Variants in POGLUT3 observed in about 807,000 individuals in gnomAD.
POGLUT3 encodes KDEL (Lys-Asp-Glu-Leu) containing 2.
A neutral mutation model predicts 54.3 loss-of-function variants in POGLUT3; 48 were observed. The observed-to-expected ratio is 0.88, with a 90% CI of 0.70 to 1.12. The LOEUF (loss-of-function observed/expected upper bound fraction) is 1.12. Among genes scored for constraint, POGLUT3 ranks in the 50% most tolerant of loss-of-function variants. POGLUT3 has a pLI of 0.00. For missense variants in POGLUT3, 629 were observed against 618.7 expected, an observed-to-expected ratio of 1.02 and a Z score of -0.18; for synonymous variants, 218 against 237.4, an observed-to-expected ratio of 0.92 and a Z score of 0.75.
intron 3 of POGLUT3, among the ~76,000 whole-genome samples, chr11:108,485,636 T>TTTTATTTATTTATTTA (rs34832849): frequency 1.5e-3 from 217 of 140,400 alleles, no homozygotes; most frequent in African/African-American, 3.9e-3. Context: ...CTTTATTCTA[T>TTTTATTTATTTATTTA]TTTATTTATT....
chr11:108,497,489 G>A (rs1381029847), intron 1 of POGLUT3, among the ~76,000 whole-genome samples: 1 of 152,134 alleles, frequency 6.6e-6, no homozygotes. Context: ...GAAACCAGCA[G>A]GACAAGTTTT....
chr11:108,491,100 A>G lies in POGLUT3; in HGVS notation c.270T>C (p.Pro90=). Residue 90 remains proline (P), a synonymous_variant, in exon 2 of 8, where the codon CCT becomes CCC. Transcript: ENST00000323468. ...TTCCATCATTCCTGTCCAAAGGTTT[A>G]GGGACATGTATCCGGACCAACTCTT... ...SPKELVRIHV[P]KPLDRNDGTF... is the part of the protein sequence containing the mutation. 6.2e-7 allele frequency: 1 copy of G among 1,611,866 alleles called. No homozygotes were observed. Among genetic ancestry groups the G allele is most frequent in the Non-Finnish European group, 8.5e-7 (1 of 1,178,618 alleles).
intron 1 of POGLUT3, among the ~76,000 whole-genome samples, chr11:108,496,726 A>C (rs2118309): frequency 0.64 from 97,517 of 152,042 alleles, 31,726 homozygotes; most frequent in Middle Eastern, 0.77. Flanking sequence ...AAATGTAGAA[A>C]ACAAGCCACT....
At chr11:108,483,913 T>C (rs2093597638) in intron 3 of POGLUT3, among the ~76,000 whole-genome samples, 1 of 152,100 alleles carries the variant, frequency 6.6e-6, no homozygotes, top group Non-Finnish European at 1.5e-5. Flanking sequence ...AAATGATTCA[T>C]CTGCCTCAGC....
chr11:108,497,955 G>GTTCA (rs2093625264), intron 1 of POGLUT3, among the ~76,000 whole-genome samples: 4 of 152,188 alleles, frequency 2.6e-5, no homozygotes, highest in Admixed American at 6.5e-5. Flanking sequence ...GGCCCTTCAA[G>GTTCA]TTCATTCATT....
Position 108,498,335 on chromosome 11 carries a change from T to C in POGLUT3, c.32A>G (p.Gln11Arg). Residue 11 changes from glutamine (Q) to arginine (R), a missense_variant, in exon 1 of 8, where the codon CAG (glutamine) becomes CGG (arginine). By Grantham distance (43) the Gln-to-Arg change is conservative. Coordinates refer to ENST00000323468, the MANE Select transcript of POGLUT3 (RefSeq NM_153705.5). MRRLPRALLL[Q>R]LRLALLVAAG... The stretch of plus-strand genomic sequence containing the variant: ...GGCCACCAGCAGGGCGAGGCGCAGC[T>C]GCAGCAGCAGGGCCCGCGGGAGGCG... 7.2e-7 allele frequency: 1 copy of C among 1,381,296 alleles called. No individual in the cohort carries two copies. The highest frequency in any genetic ancestry group is 9.4e-7 in the Non-Finnish European group (1 of 1,068,126). 85.6% of individuals were successfully genotyped at this position (1,381,296 alleles called of 1,614,324 possible). A position where few individuals can be genotyped will look rare whatever the true frequency, so the allele number is the denominator to read the frequency against.
In POGLUT3 at chr11:108,482,141, G is replaced by A; in HGVS notation, c.766C>T (p.Pro256Ser). 1 of 1,614,034 alleles carries A rather than the reference G, an allele frequency of 6.2e-7. No homozygotes were observed. Among genetic ancestry groups the A allele is most frequent in the African/African-American group, 1.3e-5 (1 of 75,002 alleles). Residue 256 changes from proline to serine, a missense_variant, in exon 4 of 8, where the codon CCC (proline) becomes TCC (serine). Pro to Ser is a moderately conservative substitution (Grantham distance 74). Transcript: ENST00000323468. ...EHRKVNGTPS[P>S]IPIISWCGSL... ...CCACACCATGAAATGATAGGTATGG[G>A]GCTAGGGGTTCCATTGACTTTTCGA...
At position 108,491,184 on chromosome 11, in the gene POGLUT3, T is replaced by C; in HGVS notation, c.203-17A>G. ...GTGTTTCACCTAAAAGGAAAAGAAA[T>C]ATAAACAACTCTACCATGTCATGAT... is the stretch of plus-strand genomic sequence containing the variant. On this transcript the variant is annotated splice_polypyrimidine_tract_variant and intron_variant, in intron 1 of 7. Transcript: ENST00000323468. 1.3e-6 allele frequency: 2 copies of C among 1,555,650 alleles called. No individual in the cohort carries two copies. Among genetic ancestry groups the C allele is most frequent in the Middle Eastern group, 3.4e-4 (2 of 5,862 alleles).
At chr11:108,484,047 T>C (rs919084056) in intron 3 of POGLUT3, among the ~76,000 whole-genome samples, 2 of 152,140 alleles carry the variant, frequency 1.3e-5, no homozygotes, top group African/African-American at 4.8e-5. Context: ...CTCAAGCTCA[T>C]ATTATTGACA....
Position 108,486,175 on chromosome 11 carries a change from C to T in POGLUT3, c.666G>A (p.Leu222=). The part of the protein sequence containing the change: ...TDFKMFSDEI[L]LSLTRKVLLP... ...CTCCTACCTTTCTTGTCAATGATAA[C>T]AAAATCTCATCAGAGAACATCTTGA... is the stretch of plus-strand genomic sequence containing the variant. Residue 222 remains leucine (L), a synonymous_variant, in exon 3 of 8, where the codon TTG becomes TTA. Coordinates refer to ENST00000323468, the MANE Select transcript of POGLUT3 (RefSeq NM_153705.5). The T allele has an allele frequency of 6.2e-7, 1 of 1,608,978 alleles. No individual in the cohort carries two copies. The highest frequency in any genetic ancestry group is 1.3e-5 in the African/African-American group (1 of 74,894).
At chr11:108,495,236 T>C (rs2093620197) in intron 1 of POGLUT3, among the ~76,000 whole-genome samples, 1 of 152,232 alleles carries the variant, frequency 6.6e-6, no homozygotes, top group African/African-American at 2.4e-5. Flanking sequence ...AGTGGCACAA[T>C]CTCAGCTCAA....
At position 108,472,975 on chromosome 11, in the gene POGLUT3, G is replaced by A. The variant is rs971195854; in HGVS notation, c.*1852C>T. Reference sequence around the variant, plus strand: ...AATTCTGTTTATTGTTCTTCAGCAAGAATAGATGTAACCACTTTAAAAATA... The same window carrying A: ...AATTCTGTTTATTGTTCTTCAGCAAAAATAGATGTAACCACTTTAAAAATA... On this transcript the variant is annotated 3_prime_UTR_variant, in exon 8 of 8. Transcript: ENST00000323468. The A allele has an allele frequency of 2.0e-5, 3 of 152,204 alleles. No individual in the cohort carries two copies. The highest frequency in any genetic ancestry group is 4.4e-5 in the Non-Finnish European group (3 of 68,034). 9.4% of individuals were successfully genotyped at this position (152,204 alleles called of 1,614,324 possible).
intron 3 of POGLUT3, among the ~76,000 whole-genome samples, chr11:108,484,294 C>T (rs11212669): frequency 2.1e-4 from 32 of 152,198 alleles, no homozygotes; most frequent in Middle Eastern, 3.4e-3. Context: ...TAGTTGTAGC[C>T]CGGGAAGAGA....
intron 3 of POGLUT3, among the ~76,000 whole-genome samples, chr11:108,482,632 G>T (rs1308699128): frequency 6.6e-6 from 1 of 152,132 alleles, no homozygotes; most frequent in Non-Finnish European, 1.5e-5. Context: ...TGTAATCCCA[G>T]CTACTCAGGA....
intron 1 of POGLUT3, among the ~76,000 whole-genome samples, chr11:108,493,766 T>G (rs2093617180): frequency 7.2e-6 from 1 of 139,840 alleles, no homozygotes; most frequent in African/African-American, 2.7e-5. Context: ...ATCGCGCCAC[T>G]GCACTCAAGC....
chr11:108,485,047 T>C (rs1565748416), intron 3 of POGLUT3, among the ~76,000 whole-genome samples: 3 of 152,114 alleles, frequency 2.0e-5, no homozygotes, highest in Non-Finnish European at 2.9e-5. Context: ...CCCTGAGAAA[T>C]TCCCAGAGGC....
Position 108,473,860 on chromosome 11 carries a change from G to C in POGLUT3, c.*967C>G, listed in dbSNP as rs938492877. The C allele has an allele frequency of 2.0e-5, 3 of 152,156 alleles. No homozygotes were observed. Among genetic ancestry groups the C allele is most frequent in the Admixed American group, 1.3e-4 (2 of 15,284 alleles). The allele number at this position is 152,156 out of a possible 1,614,324, so 9.4% of individuals were successfully genotyped here. ...ACTTAAGGTACAATTTCTCCTTAAT[G>C]TTGTCTCGGGCTTTGGCAAAATTTA... On this transcript the variant is annotated 3_prime_UTR_variant, in exon 8 of 8. Coordinates refer to ENST00000323468, the MANE Select transcript of POGLUT3 (RefSeq NM_153705.5).
At chr11:108,485,556 T>C (rs1400117051) in intron 3 of POGLUT3, among the ~76,000 whole-genome samples, 2 of 152,186 alleles carry the variant, frequency 1.3e-5, no homozygotes, top group Non-Finnish European at 2.9e-5. Context: ...TTGTTATAAA[T>C]CTCTGGAAGC....
At chr11:108,478,606 C>A (rs976362699) in intron 6 of POGLUT3, among the ~76,000 whole-genome samples, 6 of 152,178 alleles carry the variant, frequency 3.9e-5, no homozygotes, top group African/African-American at 1.4e-4. Context: ...AAATAGTCAG[C>A]GTTCCTAATT....
Sources: gnomAD v4.1 joint callset for allele counts (sites outside exome capture counted in the v4.1 genomes callset) on GRCh38, gnomAD v4.1.1 for gene constraint, MANE v1.5 for transcripts, NCBI Gene and HGNC (gene_info 2026-07-23, HGNC 2026-07-21) for gene names.